The following CAMTA1 variants were observed in gnomAD, a reference collection of about 807,000 sequenced individuals.
CAMTA1 encodes calmodulin-binding transcription activator 1.
CAMTA1 carries 27 observed loss-of-function variants against 170.9 expected under a neutral mutation model. The ratio of observed to expected loss-of-function variants is 0.16; its 90% CI spans 0.12 to 0.22. CAMTA1 has a LOEUF of 0.22. CAMTA1 is among the 10% of genes least tolerant of loss of function. CAMTA1 has a pLI of 1.00. For missense variants in CAMTA1, 1,619 were observed against 2,217.2 expected (o/e 0.73, Z 5.42); for synonymous variants, 833 against 891.5 (o/e 0.93, Z 1.17).
intron 3 of CAMTA1, among the ~76,000 whole-genome samples, chr1:6,884,366 G>A (rs1206441833): frequency 6.6e-6 from 1 of 150,806 alleles, no homozygotes; most frequent in East Asian, 1.9e-4. Flanking sequence ...CACACAATGT[G>A]TTTTTAAAGA....
At chr1:7,535,065 G>T (rs34371913) in intron 6 of CAMTA1, among the ~76,000 whole-genome samples, 1 of 152,186 alleles carries the variant, frequency 6.6e-6, no homozygotes, top group East Asian at 1.9e-4. Context: ...ACCACAGGCC[G>T]CCCGCCCCAC....
chr1:7,425,487 C>T (rs770605840), intron 5 of CAMTA1, among the ~76,000 whole-genome samples: 11 of 152,038 alleles, frequency 7.2e-5, no homozygotes, highest in African/African-American at 1.9e-4. Flanking sequence ...CTGGGGTGGA[C>T]GCTGCAAGGC....
intron 3 of CAMTA1, among the ~76,000 whole-genome samples, chr1:6,904,976 C>T (rs1000945588): frequency 3.9e-5 from 6 of 151,976 alleles, no homozygotes; most frequent in Admixed American, 1.3e-4. Flanking sequence ...ACAGGTTATT[C>T]GTGTGGTTTG....
chr1:7,503,677 T>C (rs2094048597), intron 6 of CAMTA1, among the ~76,000 whole-genome samples: 1 of 152,214 alleles, frequency 6.6e-6, no homozygotes, highest in Non-Finnish European at 1.5e-5. Flanking sequence ...CTGAAGGCTC[T>C]CTCAGGGTAG....
intron 3 of CAMTA1, among the ~76,000 whole-genome samples, chr1:6,902,332 C>G (rs1027079143): frequency 6.6e-6 from 1 of 152,166 alleles, no homozygotes; most frequent in African/African-American, 2.4e-5. Context: ...ACCCAAATGT[C>G]ATTCAACTGG....
intron 9 of CAMTA1, among the ~76,000 whole-genome samples, chr1:7,669,321 G>A (rs1269422889): frequency 2.6e-5 from 4 of 152,220 alleles, no homozygotes; most frequent in East Asian, 1.9e-4. Context: ...GCAATGGGAG[G>A]AGCTACTTCC....
At chr1:7,465,102 G>A (rs200404790) in intron 5 of CAMTA1, among the ~76,000 whole-genome samples, 25 of 152,270 alleles carry the variant, frequency 1.6e-4, no homozygotes, top group East Asian at 5.8e-4. Context: ...AGTCCTTAGC[G>A]TTCAGGGTGC....
intron 5 of CAMTA1, among the ~76,000 whole-genome samples, chr1:7,335,003 C>T (rs1263733746): frequency 1.3e-5 from 2 of 152,148 alleles, no homozygotes; most frequent in Non-Finnish European, 2.9e-5. Flanking sequence ...TGCTGAAGCT[C>T]ATACAGATCC....
intron 4 of CAMTA1, among the ~76,000 whole-genome samples, chr1:7,152,918 G>T (rs897427422): frequency 3.3e-5 from 5 of 152,352 alleles, no homozygotes; most frequent in African/African-American, 1.2e-4. Context: ...GAACCGTTTT[G>T]CTGTGTTCTG....
At chr1:6,924,297 G>A (rs1294784595) in intron 3 of CAMTA1, among the ~76,000 whole-genome samples, 1 of 152,192 alleles carries the variant, frequency 6.6e-6, no homozygotes. Flanking sequence ...ACTGCCAGGA[G>A]GGGCTCAGGC....
intron 4 of CAMTA1, among the ~76,000 whole-genome samples, chr1:7,134,436 G>A (rs1027950174): frequency 1.3e-5 from 2 of 152,042 alleles, no homozygotes; most frequent in South Asian, 4.2e-4. Flanking sequence ...TGAAACTACA[G>A]GCCTGTGCCA....
At chr1:7,306,242 GTA>G (rs1231035712) in intron 5 of CAMTA1, among the ~76,000 whole-genome samples, 8 of 151,964 alleles carry the variant, frequency 5.3e-5, no homozygotes. Flanking sequence ...TTTAAAAAGT[GTA>G]TGATTTTACA....
chr1:7,461,662 C>A (rs545049954), intron 5 of CAMTA1, among the ~76,000 whole-genome samples: 1 of 152,202 alleles, frequency 6.6e-6, no homozygotes, highest in Non-Finnish European at 1.5e-5. Context: ...AATGGGAGGT[C>A]AACAGCAAGC....
At chr1:7,373,512 G>C (rs1043648920) in intron 5 of CAMTA1, among the ~76,000 whole-genome samples, 1 of 152,184 alleles carries the variant, frequency 6.6e-6, no homozygotes. Flanking sequence ...TGGTGGCTAC[G>C]TGGCCTCCAC....
At chr1:7,550,046 C>T (rs2094777559) in intron 6 of CAMTA1, among the ~76,000 whole-genome samples, 2 of 151,792 alleles carry the variant, frequency 1.3e-5, no homozygotes, top group African/African-American at 4.8e-5. Context: ...GAGGAGAATC[C>T]CAAGGAGTCA....
At chr1:6,813,928 A>AC (rs1178751384) in intron 1 of CAMTA1, among the ~76,000 whole-genome samples, 1 of 152,220 alleles carries the variant, frequency 6.6e-6, no homozygotes, top group African/African-American at 2.4e-5. Context: ...CACCACCATC[A>AC]CCAGGACGAG....
intron 3 of CAMTA1, among the ~76,000 whole-genome samples, chr1:6,879,100 T>C (rs1670741032): frequency 6.6e-6 from 1 of 152,204 alleles, no homozygotes; most frequent in East Asian, 1.9e-4. Context: ...AGTTTCCGCT[T>C]GAAAAAGAGT....
chr1:7,697,546 G>A (rs1304078939), intron 11 of CAMTA1, among the ~76,000 whole-genome samples: 5 of 152,250 alleles, frequency 3.3e-5, no homozygotes, highest in African/African-American at 4.8e-5. Context: ...TCTGCATTTC[G>A]CCCACTTTAA....
chr1:7,237,343 G>A (rs1266043435), intron 4 of CAMTA1, among the ~76,000 whole-genome samples: 1 of 152,178 alleles, frequency 6.6e-6, no homozygotes, highest in Non-Finnish European at 1.5e-5. Flanking sequence ...TGGGCTGACA[G>A]GAGAAAGATC....
Sources: gnomAD v4.1 joint callset for allele counts (sites outside exome capture counted in the v4.1 genomes callset) on GRCh38, gnomAD v4.1.1 for gene constraint, MANE v1.5 for transcripts, NCBI Gene and HGNC (gene_info 2026-07-23, HGNC 2026-07-21) for gene names.